The following TUSC3 variants were observed in gnomAD, a reference collection of about 807,000 sequenced individuals.
TUSC3 encodes the protein dolichyl-diphosphooligosaccharide--protein glycosyltransferase subunit TUSC3.
Under a neutral mutation model 44.8 loss-of-function variants are expected in TUSC3, and 45 were observed. The observed-to-expected ratio is 1.00, with a 90% CI of 0.79 to 1.29. The LOEUF is 1.29. Among genes scored for constraint, TUSC3 ranks in the 50% most tolerant of loss-of-function variants. TUSC3 has a pLI of 0.00. For synonymous variants in TUSC3, 212 were observed against 152.9 expected (o/e 1.39, Z -2.85); for missense variants, 519 against 437.9 (o/e 1.19, Z -1.65).
In TUSC3 at chr8:15,430,840, C is replaced by A. The variant is rs57752004; in HGVS notation, n.91+13535C>A. 3.3e-5 allele frequency among the ~76,000 whole-genome samples: 5 copies of A among 151,816 alleles called. No homozygotes were observed. In the East Asian group the frequency reaches 9.6e-4, roughly 29 times the overall value. ...AGCATTCTTATACACCAATAACAGA[C>A]AAACAGAGAGCCAATTTTATTCTTT... is the stretch of plus-strand genomic sequence containing the variant. On this transcript the variant is annotated intron_variant and non_coding_transcript_variant, in intron 1 of 5. Coordinates refer to the TUSC3 transcript ENST00000503191.
intron 2 of TUSC3, among the ~76,000 whole-genome samples, chr8:15,630,287 G>A (rs959825801): frequency 3.9e-5 from 6 of 152,018 alleles, no homozygotes; most frequent in Admixed American, 1.3e-4. Context: ...ATTGGACTCC[G>A]GTTAAATGAA....
At chr8:15,600,885 T>A (rs1804258943) in intron 1 of TUSC3, among the ~76,000 whole-genome samples, 1 of 151,690 alleles carries the variant, frequency 6.6e-6, no homozygotes, top group South Asian at 2.1e-4. Flanking sequence ...ACGATAGAAA[T>A]GGTGAACCCA....
chr8:15,482,131 A>G (rs1800670994), intron 1 of TUSC3, among the ~76,000 whole-genome samples: 2 of 152,208 alleles, frequency 1.3e-5, no homozygotes, highest in South Asian at 4.1e-4. Flanking sequence ...ATCCCTCGGA[A>G]ACAACTCCTT....
chr8:15,702,422 C>T (rs1288060336), intron 6 of TUSC3, among the ~76,000 whole-genome samples: 1 of 152,122 alleles, frequency 6.6e-6, no homozygotes, highest in Non-Finnish European at 1.5e-5. Flanking sequence ...AAAACTGTTT[C>T]TTTGAAATGC....
At chr8:15,465,097 C>T (rs1800397522) in intron 1 of TUSC3, among the ~76,000 whole-genome samples, 1 of 152,142 alleles carries the variant, frequency 6.6e-6, no homozygotes, top group Non-Finnish European at 1.5e-5. Flanking sequence ...ATCCACCTGC[C>T]TTGGCTCCCA....
chr8:15,684,101 G>A (rs138346960), intron 6 of TUSC3, among the ~76,000 whole-genome samples: 108 of 152,132 alleles, frequency 7.1e-4, no homozygotes, highest in African/African-American at 2.5e-3. Flanking sequence ...GTAGTGCTCT[G>A]GGGAGGGAAG....
chr8:15,555,606 G>C (rs1019287040), intron 1 of TUSC3, among the ~76,000 whole-genome samples: 4 of 151,536 alleles, frequency 2.6e-5, no homozygotes, highest in African/African-American at 4.8e-5. Flanking sequence ...TTGTTAGGCA[G>C]TTAATGGTAA....
At chr8:15,671,133 C>T (rs1439144039) in intron 5 of TUSC3, among the ~76,000 whole-genome samples, 1 of 151,844 alleles carries the variant, frequency 6.6e-6, no homozygotes, top group Non-Finnish European at 1.5e-5. Context: ...TTGGTTTTAT[C>T]TGCTAAAGCT....
downstream of TUSC3, among the ~76,000 whole-genome samples, chr8:15,770,991 C>A (rs1288824452): frequency 6.6e-6 from 1 of 152,078 alleles, no homozygotes; most frequent in East Asian, 1.9e-4. Context: ...GTCAAGAGAT[C>A]AGGAAAGAAT....
At chr8:15,448,364 C>CT (rs1800139201) in intron 1 of TUSC3, among the ~76,000 whole-genome samples, 1 of 151,950 alleles carries the variant, frequency 6.6e-6, no homozygotes, top group Non-Finnish European at 1.5e-5. Flanking sequence ...GGCAATCCAC[C>CT]CGCCTTGGCC....
the TUSC3 span, among the ~76,000 whole-genome samples, chr8:15,822,721 G>T: frequency 6.6e-6 from 1 of 152,102 alleles, no homozygotes; most frequent in African/African-American, 2.4e-5. Flanking sequence ...TGAAAAGCAG[G>T]AAAATGGTGT....
chr8:15,474,790 G>A (rs79920404), intron 1 of TUSC3, among the ~76,000 whole-genome samples: 2 of 152,048 alleles, frequency 1.3e-5, no homozygotes, highest in Non-Finnish European at 2.9e-5. Flanking sequence ...AAGTTTAGAA[G>A]TTGGTGTTTA....
intron 1 of TUSC3, among the ~76,000 whole-genome samples, chr8:15,432,078 T>C (rs943824423): frequency 6.6e-6 from 1 of 151,920 alleles, no homozygotes; most frequent in African/African-American, 2.4e-5. Context: ...GTAATTTTCT[T>C]ACATTGTTCT....
intron 1 of TUSC3, among the ~76,000 whole-genome samples, chr8:15,599,826 T>C (rs1232088712): frequency 6.6e-6 from 1 of 151,562 alleles, no homozygotes; most frequent in Non-Finnish European, 1.5e-5. Flanking sequence ...CTTTGTAGTG[T>C]ATGTTGAGGT....
At chr8:15,683,937 G>T (rs1420521897) in intron 6 of TUSC3, among the ~76,000 whole-genome samples, 1 of 152,110 alleles carries the variant, frequency 6.6e-6, no homozygotes, top group African/African-American at 2.4e-5. Flanking sequence ...ATAGGTTCCT[G>T]TGGTGGGTTT....
At chr8:15,462,389 G>A (rs890976445) in intron 1 of TUSC3, among the ~76,000 whole-genome samples, 2 of 152,000 alleles carry the variant, frequency 1.3e-5, no homozygotes, top group Middle Eastern at 3.4e-3. Flanking sequence ...TATACAAATG[G>A]CCAACTGCTA....
At chr8:15,740,457 GAA>G (rs1040377926) in intron 7 of TUSC3, among the ~76,000 whole-genome samples, 2 of 148,736 alleles carry the variant, frequency 1.3e-5, no homozygotes, top group African/African-American at 2.5e-5. Flanking sequence ...TTCGTATCTG[GAA>G]AAAAAAATGT....
chr8:15,551,261 G>T (rs1346590), intron 1 of TUSC3, among the ~76,000 whole-genome samples: 49,147 of 151,442 alleles, frequency 0.32, 10,458 homozygotes, highest in Non-Finnish European at 0.43. Flanking sequence ...GAAACTACTA[G>T]AGTAGACTTT....
the TUSC3 span, among the ~76,000 whole-genome samples, chr8:15,796,584 G>A: frequency 7.2e-5 from 11 of 152,164 alleles, no homozygotes. Flanking sequence ...TGATATTGTT[G>A]TAATTCAACT....
Sources: gnomAD v4.1 joint callset for allele counts (sites outside exome capture counted in the v4.1 genomes callset) on GRCh38, gnomAD v4.1.1 for gene constraint, MANE v1.5 for transcripts, NCBI Gene and HGNC (gene_info 2026-07-23, HGNC 2026-07-21) for gene names.